Variants in TBC1D10B observed in about 807,000 individuals in gnomAD.
TBC1D10B encodes Rab27A-GAPbeta.
TBC1D10B carries 25 observed loss-of-function variants against 78.4 expected under a neutral mutation model. That is an observed-to-expected ratio of 0.32 (90% CI 0.23 to 0.45). TBC1D10B has a LOEUF of 0.45. Among genes scored for constraint, TBC1D10B ranks in the 20% least tolerant of loss-of-function variants. The probability of loss-of-function intolerance (pLI) is 1.00; values close to 1 mark genes in which losing one functional copy is unlikely to be tolerated. For missense variants in TBC1D10B, 996 were observed against 1,104.8 expected (o/e 0.90, Z 1.40); for synonymous variants, 517 against 478.0 (o/e 1.08, Z -1.06).
chr16:30,370,184 G>C lies in TBC1D10B; in HGVS notation c.-1C>G, dbSNP rs1158622029. 1 of 1,158,050 alleles carries C rather than the reference G, an allele frequency of 8.6e-7. No individual in the cohort carries two copies. Among genetic ancestry groups the C allele is most frequent in the African/African-American group, 1.6e-5 (1 of 61,538 alleles). 71.7% of individuals were successfully genotyped at this position (1,158,050 alleles called of 1,614,324 possible). A position where few individuals can be genotyped will look rare whatever the true frequency, so the allele number is the denominator to read the frequency against. ...CCAGGGGCGCCGTGCCCGTCTCCAT[G>C]GCCGCGGGCCGCCCCTCACATCCCC... On this transcript the variant is annotated 5_prime_UTR_variant, in exon 1 of 9. Coordinates refer to ENST00000409939, the MANE Select transcript of TBC1D10B (RefSeq NM_015527.4).
intron 4 of TBC1D10B, among the ~76,000 whole-genome samples, chr16:30,361,811 G>A (rs2049600245): frequency 6.6e-6 from 1 of 150,882 alleles, no homozygotes; most frequent in Admixed American, 6.6e-5. Context: ...TCAGCCTCCC[G>A]AGTAACTGGG....
chr16:30,357,758 C>T lies in TBC1D10B; in HGVS notation c.*186G>A. 2 of 797,238 alleles carry T rather than the reference C, an allele frequency of 2.5e-6. No homozygotes were observed. The highest frequency in any genetic ancestry group is 3.9e-6 in the Non-Finnish European group (2 of 518,120). 49.4% of individuals were successfully genotyped at this position (797,238 alleles called of 1,614,324 possible). On this transcript the variant is annotated 3_prime_UTR_variant, in exon 9 of 9. Coordinates refer to ENST00000409939, the MANE Select transcript of TBC1D10B (RefSeq NM_015527.4). ...CTCATGGGAGATGAGAGGCTCCAGA[C>T]TCATTTGCAGCTGCCCATCTGTCCT...
At chr16:30,361,021 G>C (rs1023042828) in intron 4 of TBC1D10B, among the ~76,000 whole-genome samples, 1 of 152,010 alleles carries the variant, frequency 6.6e-6, no homozygotes, top group Non-Finnish European at 1.5e-5. Flanking sequence ...GCAGTAGCTC[G>C]CGCCTGTAAT....
rs1218780715 is a variant in TBC1D10B, at chr16:30,370,389, A to AC, written c.-207dup. On this transcript the variant is annotated 5_prime_UTR_variant, in exon 1 of 9. Coordinates refer to ENST00000409939, the MANE Select transcript of TBC1D10B (RefSeq NM_015527.4). ...GCCGGGGTCTCTCTCGAGCCCTCTC[A>AC]CCCCCTCGCGCGCTCTCGCCACCGC... 1.8e-5 allele frequency: 3 copies of AC among 169,792 alleles called. No homozygotes were observed. Among genetic ancestry groups the AC allele is most frequent in the East Asian group, 1.8e-4 (1 of 5,694 alleles). The allele number at this position is 169,792 out of a possible 1,614,324, so 10.5% of individuals were successfully genotyped here.
chr16:30,368,255 T>TA, intron 1 of TBC1D10B, among the ~76,000 whole-genome samples: 1 of 152,280 alleles, frequency 6.6e-6, no homozygotes, highest in South Asian at 2.1e-4. Flanking sequence ...CAATCCTACT[T>TA]ACTCTCCACG....
chr16:30,359,079 CT>C, intron 7 of TBC1D10B, 92 bp downstream of exon 7: 2 of 1,447,288 alleles, frequency 1.4e-6, no homozygotes, highest in Non-Finnish European at 1.8e-6. Flanking sequence ...CAACAAGTAC[CT>C]TTTGTCCATG....
chr16:30,358,008 G>A lies in TBC1D10B; in HGVS notation c.2363C>T (p.Pro788Leu). ...KLSLRRKADG[P>L]PGPHDGGDRP... ...GTCCCCACCATCATGGGGGCCTGGG[G>A]GCCCATCTGCCTTTCGACGCAGCGA... The change falls in exon 9 of 9, where the codon CCC becomes CTC. Residue 788 changes from proline (P) to leucine (L), a missense_variant. This residue lies in a region of TBC1D10B where 285 missense variants were observed against 252.5 expected (regional missense o/e 1.13). Transcript: ENST00000409939. The A allele has an allele frequency of 1.3e-6, 2 of 1,551,804 alleles. No homozygotes were observed. The highest frequency in any genetic ancestry group is 1.2e-5 in the South Asian group (1 of 84,070).
intron 4 of TBC1D10B, 104 bp downstream of exon 4, chr16:30,364,796 G>T: frequency 9.5e-7 from 1 of 1,047,308 alleles, no homozygotes; most frequent in Non-Finnish European, 1.4e-6. Context: ...TACAAGTCCT[G>T]AAGGGCAAAA....
chr16:30,369,998 C>G lies in TBC1D10B; in HGVS notation c.186G>C (p.Trp62Cys), dbSNP rs1390603873. Residue 62 changes from tryptophan (W) to cysteine (C), a missense_variant, in exon 1 of 9, where the codon TGG becomes TGC. Trp to Cys is a radical substitution (Grantham distance 215). This residue lies in a region of TBC1D10B where 448 missense variants were observed against 442.1 expected (regional missense o/e 1.01). Coordinates refer to ENST00000409939, the MANE Select transcript of TBC1D10B (RefSeq NM_015527.4). This position sits in a 1 kb window ranked among gnomAD's most constrained non-coding sequence, Gnocchi z 4.3. ...CAGAGGTCTCGGCCGACCCCGGGACCCAGGCGGGCCGCGCCTCCCCGGGGG... is the reference window on the plus strand; with the variant it reads ...CAGAGGTCTCGGCCGACCCCGGGACGCAGGCGGGCCGCGCCTCCCCGGGGG... ...LVAPGEARPA[W>C]VPGSAETSAP... 8.1e-7 allele frequency: 1 copy of G among 1,233,540 alleles called. No homozygotes were observed. The highest frequency in any genetic ancestry group is 1.0e-6 in the Non-Finnish European group (1 of 988,702). The allele number at this position is 1,233,540 out of a possible 1,614,324, so 76.4% of individuals were successfully genotyped here. A position where few individuals can be genotyped will look rare whatever the true frequency, so the allele number is the denominator to read the frequency against.
Position 30,369,879 on chromosome 16 carries a change from T to A in TBC1D10B, c.305A>T (p.Lys102Met). 7.2e-7 allele frequency: 1 copy of A among 1,395,302 alleles called. No homozygotes were observed. Among genetic ancestry groups the A allele is most frequent in the South Asian group, 1.6e-5 (1 of 61,644 alleles). 86.4% of individuals were successfully genotyped at this position (1,395,302 alleles called of 1,614,324 possible). A position where few individuals can be genotyped will look rare whatever the true frequency, so the allele number is the denominator to read the frequency against. The change falls in exon 1 of 9, where the codon AAG becomes ATG. Residue 102 changes from lysine to methionine, a missense_variant. By Grantham distance (95) the Lys-to-Met change is moderately conservative. This residue lies in a region of TBC1D10B where 448 missense variants were observed against 442.1 expected (regional missense o/e 1.01). Transcript: ENST00000409939. This position sits in a 1 kb window ranked among gnomAD's most constrained non-coding sequence, Gnocchi z 4.3. The part of the protein sequence containing the change: ...LTLEASPEAP[K>M]PQLPSGPESP... ...TTCCGGGCCGGAGGGGAGCTGCGGC[T>A]TTGGGGCTTCGGGCGAGGCCTCCAG... is the stretch of plus-strand genomic sequence containing the variant.
chr16:30,367,345 T>G (rs2049644172), intron 1 of TBC1D10B: 1 of 152,220 alleles, frequency 6.6e-6, no homozygotes, highest in Non-Finnish European at 1.5e-5. Flanking sequence ...AGAAGCTCCT[T>G]AAACAGAGAG....
At chr16:30,366,843 T>C (rs1176544977) in intron 1 of TBC1D10B, 1 of 152,124 alleles carries the variant, frequency 6.6e-6, no homozygotes, top group African/African-American at 2.4e-5. Context: ...TCTGAGACAA[T>C]AGGGAGCTTT....
rs1236495405 is a variant in TBC1D10B at position 30,364,881 on chromosome 16, C to T, written c.1271+19G>A. 16 of 1,589,402 alleles carry T rather than the reference C, an allele frequency of 1.0e-5. No homozygotes were observed. The highest frequency in any genetic ancestry group is 1.4e-5 in the Non-Finnish European group (16 of 1,167,964). Reference sequence around the variant, plus strand: ...CAGCCAATGTTTGCTGACTGACCCCCATGGTCCGGCCACCTTACCCATGCC... The same window carrying T: ...CAGCCAATGTTTGCTGACTGACCCCTATGGTCCGGCCACCTTACCCATGCC... On this transcript the variant is annotated intron_variant, in intron 4 of 8. Transcript: ENST00000409939.
chr16:30,370,007 C>A lies in TBC1D10B; in HGVS notation c.177G>T (p.Arg59=). 8.1e-7 allele frequency: 1 copy of A among 1,232,776 alleles called. No homozygotes were observed. Among genetic ancestry groups the A allele is most frequent in the Non-Finnish European group, 1.0e-6 (1 of 988,204 alleles). 76.4% of individuals were successfully genotyped at this position (1,232,776 alleles called of 1,614,324 possible). A position where few individuals can be genotyped will look rare whatever the true frequency, so the allele number is the denominator to read the frequency against. ...CGGCCGACCCCGGGACCCAGGCGGGCCGCGCCTCCCCGGGGGCCACCAGGG... is the reference window on the plus strand; with the variant it reads ...CGGCCGACCCCGGGACCCAGGCGGGACGCGCCTCCCCGGGGGCCACCAGGG... ...PVTLVAPGEA[R]PAWVPGSAET... is the part of the protein sequence containing the mutation. Residue 59 remains arginine (R), a synonymous_variant, in exon 1 of 9, where the codon CGG becomes CGT. Coordinates refer to ENST00000409939, the MANE Select transcript of TBC1D10B (RefSeq NM_015527.4).
In TBC1D10B at chr16:30,365,040, T is replaced by C; in HGVS notation, c.1165-34A>G. Reference sequence around the variant, plus strand: ...GGACAGTGGGGATTACCTCAGCATCTGGGGGAACTGATACCCCTTGCACAG... The same window carrying C: ...GGACAGTGGGGATTACCTCAGCATCCGGGGGAACTGATACCCCTTGCACAG... On this transcript the variant is annotated intron_variant, in intron 3 of 8. Transcript: ENST00000409939. This position sits in a 1 kb window ranked among gnomAD's most constrained non-coding sequence, Gnocchi z 5.0. The C allele has an allele frequency of 3.7e-6, 6 of 1,612,442 alleles. No individual in the cohort carries two copies. Among genetic ancestry groups the C allele is most frequent in the Non-Finnish European group, 5.1e-6 (6 of 1,178,714 alleles).
chr16:30,365,408 G>A lies in TBC1D10B; in HGVS notation c.1056+87C>T. 6.7e-7 allele frequency: 1 copy of A among 1,500,348 alleles called. No individual in the cohort carries two copies. The highest frequency in any genetic ancestry group is 9.3e-7 in the Non-Finnish European group (1 of 1,077,138). The allele number at this position is 1,500,348 out of a possible 1,614,324, so 92.9% of individuals were successfully genotyped here. On this transcript the variant is annotated intron_variant, in intron 2 of 8. Coordinates refer to ENST00000409939, the MANE Select transcript of TBC1D10B (RefSeq NM_015527.4). The surrounding 1 kb of genome is among the most constrained non-coding windows in gnomAD (Gnocchi z 5.0). ...TATCCCCAGTGTGGTCCAGAGGGCA[G>A]ATATTATCGGCTTCCTGGGCTTCCC...
chr16:30,358,651 G>C lies in TBC1D10B; in HGVS notation c.1797+12C>G, dbSNP rs1487476879. ...GAGGCAGGCAGGGGCTGCGTTGAGGGCACAGGCCTACCTCATGCACCAGGA... is the reference window on the plus strand; with the variant it reads ...GAGGCAGGCAGGGGCTGCGTTGAGGCCACAGGCCTACCTCATGCACCAGGA... On this transcript the variant is annotated intron_variant, in intron 8 of 8. Transcript: ENST00000409939. The C allele has an allele frequency of 6.3e-7, 1 of 1,596,998 alleles. No homozygotes were observed. The highest frequency in any genetic ancestry group is 8.6e-7 in the Non-Finnish European group (1 of 1,168,000).
intron 4 of TBC1D10B, 63 bp downstream of exon 4, chr16:30,364,837 A>G: frequency 6.9e-7 from 1 of 1,445,598 alleles, no homozygotes; most frequent in East Asian, 2.5e-5. Context: ...GTATCCACCT[A>G]GCTAAAAGGT....
At chr16:30,368,664 C>A (rs1481726381) in intron 1 of TBC1D10B, among the ~76,000 whole-genome samples, 6 of 152,160 alleles carry the variant, frequency 3.9e-5, no homozygotes, top group Non-Finnish European at 8.8e-5. Context: ...AGTGCAGATA[C>A]AAGACTGCCC....
Sources: allele counts gnomAD v4.1 joint callset (sites outside exome capture counted in the v4.1 genomes callset), GRCh38; gene constraint gnomAD v4.1.1; regional missense constraint gnomAD v4.1.1; non-coding constraint Gnocchi (gnomAD v3.1); transcripts MANE v1.5; gene names NCBI Gene and HGNC (gene_info 2026-07-23, HGNC 2026-07-21).